The following PRKCQ variants were observed in gnomAD, a reference collection of about 807,000 sequenced individuals.
The protein encoded by PRKCQ is protein kinase C theta type.
Under a neutral mutation model 91.2 loss-of-function variants are expected in PRKCQ, and 41 were observed. The observed-to-expected ratio is 0.45, with a 90% CI of 0.35 to 0.58. PRKCQ has a LOEUF of 0.58. Ranked by LOEUF, PRKCQ falls within the 20% of genes least tolerant of loss-of-function variation. The pLI is 0.00. For synonymous variants in PRKCQ, 307 were observed against 316.9 expected (o/e 0.97, Z 0.33); for missense variants, 673 against 896.5 (o/e 0.75, Z 3.18).
chr10:6,441,263 C>T (rs12268204), intron 16 of PRKCQ, among the ~76,000 whole-genome samples: 9 of 151,942 alleles, frequency 5.9e-5, no homozygotes, highest in African/African-American at 1.9e-4. Flanking sequence ...CTGCCTCAGC[C>T]TTCTGAGTAG....
At chr10:6,570,782 T>A (rs1247957676) in intron 1 of PRKCQ, among the ~76,000 whole-genome samples, 2 of 152,112 alleles carry the variant, frequency 1.3e-5, no homozygotes, top group Non-Finnish European at 2.9e-5. Context: ...CTAAAACTCC[T>A]GGCCTCAAGT....
chr10:6,464,246 G>C, intron 13 of PRKCQ, 67 bp downstream of exon 13: 1 of 1,444,772 alleles, frequency 6.9e-7, no homozygotes, highest in Non-Finnish European at 9.6e-7. Context: ...TGGGAAAAAA[G>C]GAAAAAAAAA....
rs141859128 is a variant in PRKCQ, at chr10:6,486,012, G to A, written c.900+23C>T. ...CTTGCTGAGCGGCCATGGCGGGAAC[G>A]TGTCCACGGCACATGCTCCTACCTG... On this transcript the variant is annotated intron_variant, in intron 9 of 17. Transcript: ENST00000263125. 2.0e-4 allele frequency: 323 copies of A among 1,591,032 alleles called. No individual in the cohort carries two copies. In the Middle Eastern group the frequency reaches 7.2e-3, roughly 36 times the overall value.
intron 14 of PRKCQ, among the ~76,000 whole-genome samples, chr10:6,458,899 G>A (rs75495102): frequency 0.023 from 3,570 of 152,046 alleles, 138 homozygotes; most frequent in African/African-American, 0.082. Context: ...CATACTTTCC[G>A]GCTCTGTGGT....
intron 11 of PRKCQ, among the ~76,000 whole-genome samples, chr10:6,480,072 G>T (rs1242170215): frequency 6.6e-6 from 1 of 152,182 alleles, no homozygotes; most frequent in Non-Finnish European, 1.5e-5. Context: ...GGGTTCAAAG[G>T]ATAACTTGCT....
chr10:6,415,716 A>G, the PRKCQ span, among the ~76,000 whole-genome samples: 4 of 149,250 alleles, frequency 2.7e-5, no homozygotes, highest in African/African-American at 9.9e-5. Flanking sequence ...ATTGTTGACA[A>G]TTGCTGCTAA....
rs1833221036 is a variant in PRKCQ at position 6,428,233 on chromosome 10, G to A, written c.2095C>T (p.Pro699Ser). The change falls in exon 18 of 18, where the codon CCC (proline) becomes TCC (serine). Residue 699 changes from proline to serine, a missense_variant. Physicochemically the swap from Pro to Ser is moderately conservative, Grantham distance 74. Transcript: ENST00000263125. ...NMFRNFSFMN[P>S]GMERLIS ...CAGGATATCAGCCGCTCCATCCCGGGGTTCATGAAGGAAAAGTTCCTGAAC... is the reference window on the plus strand; with the variant it reads ...CAGGATATCAGCCGCTCCATCCCGGAGTTCATGAAGGAAAAGTTCCTGAAC... The A allele has an allele frequency of 6.2e-7, 1 of 1,614,014 alleles. No homozygotes were observed. Among genetic ancestry groups the A allele is most frequent in the Non-Finnish European group, 8.5e-7 (1 of 1,180,046 alleles).
At chr10:6,426,351 C>T (rs1049393116), downstream of PRKCQ, among the ~76,000 whole-genome samples, 1 of 152,210 alleles carries the variant, frequency 6.6e-6, no homozygotes, top group East Asian at 1.9e-4. Context: ...GAGATCAGAA[C>T]AGAACGGGCG....
chr10:6,570,770 G>C (rs903769816), intron 1 of PRKCQ, among the ~76,000 whole-genome samples: 1 of 151,986 alleles, frequency 6.6e-6, no homozygotes, highest in Non-Finnish European at 1.5e-5. Context: ...GGCCAGGATG[G>C]TCTAAAACTC....
intron 1 of PRKCQ, among the ~76,000 whole-genome samples, chr10:6,529,779 AC>A (rs1338131355): frequency 6.6e-6 from 1 of 152,148 alleles, no homozygotes; most frequent in Non-Finnish European, 1.5e-5. Flanking sequence ...TAATGGACCC[AC>A]TTCATCAGGG....
chr10:6,404,255 G>GGAGAGA, the PRKCQ span, among the ~76,000 whole-genome samples: 210 of 34,338 alleles, frequency 6.1e-3, 13 homozygotes, highest in African/African-American at 6.7e-3. Flanking sequence ...GAAGGGGGGG[G>GGAGAGA]GAGAGAGAGA....
chr10:6,498,700 T>G, intron 4 of PRKCQ, 142 bp from the exon 5 acceptor site: 1 of 712,544 alleles, frequency 1.4e-6, no homozygotes, highest in Non-Finnish European at 2.3e-6. Context: ...CAGGTACTCA[T>G]TATGGTGGGT....
the PRKCQ span, among the ~76,000 whole-genome samples, chr10:6,395,054 G>GTTTTTTTTTTTT: frequency 2.9e-4 from 38 of 129,956 alleles, 1 homozygote; most frequent in African/African-American, 9.2e-4. Context: ...GGAAGCTGGA[G>GTTTTTTTTTTTT]TCTTTTTTTT....
At chr10:6,552,469 T>A (rs2130937243) in intron 1 of PRKCQ, among the ~76,000 whole-genome samples, 1 of 151,816 alleles carries the variant, frequency 6.6e-6, no homozygotes, top group African/African-American at 2.4e-5. Flanking sequence ...TCTTTTTTTT[T>A]TTTTTTTGTC....
At chr10:6,533,826 A>T (rs1260031500) in intron 1 of PRKCQ, among the ~76,000 whole-genome samples, 1 of 152,192 alleles carries the variant, frequency 6.6e-6, no homozygotes, top group African/African-American at 2.4e-5. Flanking sequence ...TACCAGCTAA[A>T]ACCTACATTA....
rs180841461 is a variant in PRKCQ at position 6,479,980 on chromosome 10, C to A, written c.1180-815G>T. Among the ~76,000 whole-genome samples the A allele has an allele frequency of 2.6e-5, 4 of 151,748 alleles. No homozygotes were observed. The East Asian group carries it at 7.8e-4, about 30-fold the overall frequency. On this transcript the variant is annotated intron_variant, in intron 11 of 17. Coordinates refer to ENST00000263125, the MANE Select transcript of PRKCQ (RefSeq NM_006257.5). ...ATAAAAAAAAATAAATAAGTAAACACCATTTTCTCTGACAACACAGCAATG... is the reference window on the plus strand; with the variant it reads ...ATAAAAAAAAATAAATAAGTAAACAACATTTTCTCTGACAACACAGCAATG...
intron 3 of PRKCQ, among the ~76,000 whole-genome samples, chr10:6,508,166 A>G (rs1464770725): frequency 6.6e-6 from 1 of 152,206 alleles, no homozygotes; most frequent in Non-Finnish European, 1.5e-5. Context: ...ATTTTAAGGG[A>G]TGATGTAGGA....
At chr10:6,425,225 ATT>A (rs34277466), downstream of PRKCQ, among the ~76,000 whole-genome samples, 1,454 of 137,620 alleles carry the variant, frequency 0.011, 31 homozygotes, top group African/African-American at 0.036. Flanking sequence ...TCTCTCCTCT[ATT>A]TTTTTTTTTT....
rs151046041 is a variant in PRKCQ at position 6,557,663 on chromosome 10, T to C, written c.-10+22548A>G. Among the ~76,000 whole-genome samples, 590 of 152,358 alleles carry C rather than the reference T, an allele frequency of 3.9e-3. 2 individuals are homozygous for C. The highest frequency in any genetic ancestry group is 0.013 in the African/African-American group (553 of 41,582). ...CTCAAAAAGAATATCTTTCTTGAAC[T>C]ATACATTCACTTTCTTCGGTCCCCT... On this transcript the variant is annotated intron_variant, in intron 1 of 17. Transcript: ENST00000263125.
Sources: gnomAD v4.1 joint callset for allele counts (sites outside exome capture counted in the v4.1 genomes callset) on GRCh38, gnomAD v4.1.1 for gene constraint, MANE v1.5 for transcripts, NCBI Gene and HGNC (gene_info 2026-07-23, HGNC 2026-07-21) for gene names.